The following TENM2 variants were observed in gnomAD, a reference collection of about 807,000 sequenced individuals.
TENM2 encodes teneurin-2.
A neutral mutation model predicts 245.2 loss-of-function variants in TENM2; 52 were observed. The observed-to-expected ratio is 0.21, with a 90% CI of 0.17 to 0.27. The LOEUF is 0.27. Ranked by LOEUF, TENM2 falls within the 10% of genes least tolerant of loss-of-function variation. The pLI is 1.00. For missense variants in TENM2, 3,046 were observed against 3,666.8 expected (o/e 0.83, Z 4.37); for synonymous variants, 1,363 against 1,438.9 (o/e 0.95, Z 1.19).
intron 5 of TENM2, among the ~76,000 whole-genome samples, chr5:168,018,424 T>C (rs1324447561): frequency 6.6e-6 from 1 of 152,052 alleles, no homozygotes; most frequent in Non-Finnish European, 1.5e-5. Context: ...GAAATAAGTA[T>C]TTCCAGGGAA....
intron 3 of TENM2, among the ~76,000 whole-genome samples, chr5:167,906,754 TCTTA>T (rs1328682937): frequency 3.3e-5 from 5 of 152,162 alleles, no homozygotes; most frequent in African/African-American, 9.7e-5. Flanking sequence ...CCCTGTTGTT[TCTTA>T]CTTCTCTTTT....
chr5:167,585,873 C>G (rs924673649), intron 2 of TENM2, among the ~76,000 whole-genome samples: 2 of 152,084 alleles, frequency 1.3e-5, no homozygotes, highest in Non-Finnish European at 2.9e-5. Flanking sequence ...CCCTGTAATT[C>G]CAGCATTTTG....
At chr5:167,291,113 A>C (rs771958862) in intron 1 of TENM2, among the ~76,000 whole-genome samples, 1 of 152,074 alleles carries the variant, frequency 6.6e-6, no homozygotes, top group Middle Eastern at 3.2e-3. Context: ...TCTATTGTCA[A>C]TTCTGTGTTC....
intron 2 of TENM2, among the ~76,000 whole-genome samples, chr5:167,532,311 T>TA (rs1562032154): frequency 2.0e-5 from 3 of 151,932 alleles, no homozygotes; most frequent in South Asian, 2.1e-4. Flanking sequence ...CTCTCTCTTT[T>TA]TATATATATA....
intron 3 of TENM2, among the ~76,000 whole-genome samples, chr5:167,943,232 C>T (rs1779330824): frequency 6.6e-6 from 1 of 152,186 alleles, no homozygotes; most frequent in South Asian, 2.1e-4. Context: ...CCCATCCTTG[C>T]CATTTAACTG....
At position 167,536,331 on chromosome 5, in the gene TENM2, G is replaced by T. The variant is rs146697785; in HGVS notation, c.502+160858G>T. On this transcript the variant is annotated intron_variant, in intron 2 of 28. Transcript: ENST00000518659. Reference sequence around the variant, plus strand: ...GTGTACTAAGCTATTTAGAAGTCAAGTAAAATGCCTTGAAGGCAGATTTAA... The same window carrying T: ...GTGTACTAAGCTATTTAGAAGTCAATTAAAATGCCTTGAAGGCAGATTTAA... Among the ~76,000 whole-genome samples, 21 of 152,118 alleles carry T rather than the reference G, an allele frequency of 1.4e-4. No homozygotes were observed. The East Asian group carries it at 3.3e-3, about 24-fold the overall frequency.
At chr5:167,196,840 C>G in the TENM2 span, among the ~76,000 whole-genome samples, 16 of 151,548 alleles carry the variant, frequency 1.1e-4, no homozygotes, top group Non-Finnish European at 1.5e-4. Context: ...ATGCAAATAC[C>G]ATGCAATTTT....
At chr5:167,909,066 CTCTT>C (rs1288463452) in intron 3 of TENM2, among the ~76,000 whole-genome samples, 7 of 139,584 alleles carry the variant, frequency 5.0e-5, no homozygotes, top group East Asian at 2.3e-4. Flanking sequence ...TCTTTTCTCT[CTCTT>C]TTTTTTTTTT....
At chr5:168,090,165 G>A (rs1038430141) in intron 7 of TENM2, among the ~76,000 whole-genome samples, 1 of 150,216 alleles carries the variant, frequency 6.7e-6, no homozygotes, top group African/African-American at 2.5e-5. Context: ...CATATCCTCT[G>A]TATTACATAA....
intron 2 of TENM2, among the ~76,000 whole-genome samples, chr5:167,812,042 T>C (rs1766682660): frequency 6.6e-6 from 1 of 152,114 alleles, no homozygotes; most frequent in Admixed American, 6.5e-5. Context: ...TTTAAATGCA[T>C]CTTGAAGGAT....
intron 5 of TENM2, among the ~76,000 whole-genome samples, chr5:167,996,072 G>T (rs140583067): frequency 1.3e-5 from 2 of 152,258 alleles, no homozygotes; most frequent in Non-Finnish European, 2.9e-5. Context: ...GCCAGGCACC[G>T]TGACAAATAA....
intron 2 of TENM2, among the ~76,000 whole-genome samples, chr5:167,406,041 G>A (rs540727117): frequency 7.9e-5 from 12 of 152,110 alleles, no homozygotes; most frequent in Admixed American, 7.2e-4. Flanking sequence ...GCCTCTTAGA[G>A]CAGTCAGAGA....
the TENM2 span, among the ~76,000 whole-genome samples, chr5:167,229,690 G>A: frequency 6.6e-6 from 1 of 152,282 alleles, no homozygotes; most frequent in African/African-American, 2.4e-5. Flanking sequence ...TCCTGGATGG[G>A]TGCTCAGGGA....
intron 2 of TENM2, among the ~76,000 whole-genome samples, chr5:167,553,772 G>A (rs527706339): frequency 6.6e-6 from 1 of 152,282 alleles, no homozygotes; most frequent in South Asian, 2.1e-4. Context: ...AGCTGTTGGG[G>A]TAGAGGGGAA....
intron 2 of TENM2, among the ~76,000 whole-genome samples, chr5:167,570,001 G>C (rs554238851): frequency 7.9e-5 from 12 of 152,282 alleles, no homozygotes; most frequent in African/African-American, 2.9e-4. Flanking sequence ...GGATATACTT[G>C]TGGAGGACAT....
Position 167,363,845 on chromosome 5 carries a change from A to G in TENM2, c.227-11353A>G, listed in dbSNP as rs567200104. Among the ~76,000 whole-genome samples the G allele has an allele frequency of 2.3e-4, 35 of 152,188 alleles. No individual in the cohort carries two copies. The South Asian group carries it at 5.0e-3, about 22-fold the overall frequency. ...ATTTTGACCTTTAAAGTTTTAAAAC[A>G]TTAGAATTTATCATTTACATACTAT... On this transcript the variant is annotated intron_variant, in intron 1 of 28. Transcript: ENST00000518659.
chr5:167,204,424 T>C, the TENM2 span, among the ~76,000 whole-genome samples: 13 of 152,022 alleles, frequency 8.6e-5, no homozygotes, highest in Non-Finnish European at 1.3e-4. Context: ...GGTGAGAAAA[T>C]CTGTTAGGCT....
intron 14 of TENM2, among the ~76,000 whole-genome samples, chr5:168,192,549 T>A (rs1412614550): frequency 6.6e-6 from 1 of 152,226 alleles, no homozygotes; most frequent in African/African-American, 2.4e-5. Context: ...AATAAAACAT[T>A]TTAAATTTAG....
Position 167,599,732 on chromosome 5 carries a change from A to G in TENM2, c.502+224259A>G, listed in dbSNP as rs150717107. Among the ~76,000 whole-genome samples, 1,299 of 152,258 alleles carry G rather than the reference A, an allele frequency of 8.5e-3. 18 individuals carry two copies. The highest frequency in any genetic ancestry group is 0.03 in the African/African-American group (1,240 of 41,548). ...TGATTGATTTTGTGTTGTGTTTAGC[A>G]CAGAGATTTGGTGATTTTTTAGAAA... On this transcript the variant is annotated intron_variant, in intron 2 of 28. Coordinates refer to ENST00000518659, the Ensembl canonical transcript of TENM2.
Sources: allele counts gnomAD v4.1 joint callset (sites outside exome capture counted in the v4.1 genomes callset), GRCh38; gene constraint gnomAD v4.1.1; transcripts MANE v1.5; gene names NCBI Gene and HGNC (gene_info 2026-07-23, HGNC 2026-07-21).